STX8: variants seen among roughly 807,000 people sequenced by gnomAD.
STX8 encodes the protein syntaxin-8.
In STX8, 23 loss-of-function variants were observed where a neutral mutation model predicts 37.5. That is an observed-to-expected ratio of 0.61 (90% confidence interval 0.44 to 0.87). STX8 has a LOEUF of 0.87. Ranked by LOEUF, STX8 falls within the 40% of genes least tolerant of loss-of-function variation. The pLI is 0.00. For missense variants in STX8, 313 were observed against 284.7 expected, an observed-to-expected ratio of 1.10 and a Z score of -0.71; for synonymous variants, 115 against 99.1, an observed-to-expected ratio of 1.16 and a Z score of -0.95.
chr17:9,478,870 C>A (rs942045886), intron 6 of STX8, among the ~76,000 whole-genome samples: 2 of 152,214 alleles, frequency 1.3e-5, no homozygotes, highest in South Asian at 4.1e-4. Flanking sequence ...CAGCTCCCTT[C>A]GGCCCATTCC....
intron 7 of STX8, among the ~76,000 whole-genome samples, chr17:9,304,520 A>G (rs909010950): frequency 2.6e-5 from 4 of 151,188 alleles, no homozygotes; most frequent in African/African-American, 9.7e-5. Flanking sequence ...AAAAAAAAAA[A>G]AAAAAAAAAG....
chr17:9,529,252 AGAG>A (rs1905709460), intron 4 of STX8, among the ~76,000 whole-genome samples: 2 of 688 alleles, frequency 2.9e-3, no homozygotes, highest in African/African-American at 4.0e-3. Flanking sequence ...GCTCTTAGAG[AGAG>A]AGAGAGAGAG....
intron 6 of STX8, among the ~76,000 whole-genome samples, chr17:9,424,358 G>T (rs1913549439): frequency 6.6e-6 from 1 of 151,906 alleles, no homozygotes; most frequent in Non-Finnish European, 1.5e-5. Flanking sequence ...TTCTCAACCA[G>T]TTTATCCTTC....
chr17:9,388,812 G>GAA (rs79059878), intron 6 of STX8, among the ~76,000 whole-genome samples: 1,307 of 108,002 alleles, frequency 0.012, 19 homozygotes, highest in African/African-American at 0.038. Flanking sequence ...TCAAAAAAAA[G>GAA]AAAAAAAAAA....
chr17:9,307,328 C>T (rs955292800), intron 7 of STX8, among the ~76,000 whole-genome samples: 2 of 152,132 alleles, frequency 1.3e-5, no homozygotes, highest in African/African-American at 4.8e-5. Flanking sequence ...CCAGTTTCTC[C>T]ACCTTTTCTA....
intron 6 of STX8, among the ~76,000 whole-genome samples, chr17:9,440,519 T>G (rs1428059117): frequency 9.3e-6 from 1 of 107,954 alleles, no homozygotes; most frequent in African/African-American, 3.6e-5. Context: ...TCATAGTGAA[T>G]CAATGATTTT....
At chr17:9,536,981 C>T (rs992291257) in intron 4 of STX8, among the ~76,000 whole-genome samples, 4 of 152,126 alleles carry the variant, frequency 2.6e-5, no homozygotes, top group Non-Finnish European at 5.9e-5. Context: ...CCCCTGACCT[C>T]GTGATCCACC....
intron 6 of STX8, among the ~76,000 whole-genome samples, chr17:9,488,449 G>A (rs565469920): frequency 6.6e-6 from 1 of 152,270 alleles, no homozygotes; most frequent in African/African-American, 2.4e-5. Flanking sequence ...CTTGTAGATG[G>A]AATATGGGTT....
At chr17:9,571,131 A>C (rs939335139) in intron 1 of STX8, among the ~76,000 whole-genome samples, 10 of 152,216 alleles carry the variant, frequency 6.6e-5, no homozygotes, top group Non-Finnish European at 4.4e-5. Context: ...TTTTACACAC[A>C]GAGAGTGGCC....
At chr17:9,270,512 C>T (rs568930189) in intron 7 of STX8, among the ~76,000 whole-genome samples, 23 of 152,078 alleles carry the variant, frequency 1.5e-4, no homozygotes, top group Non-Finnish European at 2.5e-4. Context: ...CCTCGGCCTC[C>T]CAAAGTGCTG....
At chr17:9,362,840 A>AAAAAT (rs1555601151) in intron 7 of STX8, among the ~76,000 whole-genome samples, 1 of 115,528 alleles carries the variant, frequency 8.7e-6, no homozygotes, top group African/African-American at 3.0e-5. Flanking sequence ...AAAAAAAAAA[A>AAAAAT]AAATAAATAA....
At chr17:9,472,039 A>G (rs1371096999) in intron 6 of STX8, among the ~76,000 whole-genome samples, 1 of 151,806 alleles carries the variant, frequency 6.6e-6, no homozygotes. Context: ...CATAATATTA[A>G]ATCCTAAAAA....
At chr17:9,391,028 A>C (rs1912200323) in intron 6 of STX8, among the ~76,000 whole-genome samples, 1 of 152,138 alleles carries the variant, frequency 6.6e-6, no homozygotes, top group Non-Finnish European at 1.5e-5. Context: ...TATCAAAGTT[A>C]AGTTTCTTGG....
rs1262598146 is a variant in STX8, at chr17:9,400,087, TATTTA to T, written c.542-21439_542-21435del. On this transcript the variant is annotated intron_variant, in intron 6 of 7. Transcript: ENST00000306357. ...TGCATAGGCAGTGGAATTATTTATT[TATTTA>T]ATTTGTTGTTATTATTTTTTTTTTT... 2.0e-5 allele frequency among the ~76,000 whole-genome samples: 3 copies of T among 148,844 alleles called. No individual in the cohort carries two copies. The East Asian group carries it at 6.0e-4, about 30-fold the overall frequency.
chr17:9,279,414 G>T (rs1443272739), intron 7 of STX8, among the ~76,000 whole-genome samples: 1 of 152,038 alleles, frequency 6.6e-6, no homozygotes, highest in African/African-American at 2.4e-5. Flanking sequence ...TGAACCTGAC[G>T]CTCAGAAGCA....
At chr17:9,255,536 A>AAATG (rs1413048200) in intron 7 of STX8, among the ~76,000 whole-genome samples, 1 of 70,566 alleles carries the variant, frequency 1.4e-5, no homozygotes, top group East Asian at 2.3e-4. Flanking sequence ...CAAAATAAAT[A>AAATG]AATAAATAAA....
chr17:9,344,955 G>A (rs1393408984), intron 7 of STX8, among the ~76,000 whole-genome samples: 1 of 152,160 alleles, frequency 6.6e-6, no homozygotes. Flanking sequence ...AACCTGGTCA[G>A]TGTTTTAAAA....
intron 7 of STX8, among the ~76,000 whole-genome samples, chr17:9,362,840 A>AAAT (rs1555601154): frequency 6.9e-5 from 8 of 115,526 alleles, no homozygotes; most frequent in Middle Eastern, 4.2e-3. Flanking sequence ...AAAAAAAAAA[A>AAAT]AAATAAATAA....
chr17:9,497,824 T>C (rs746202175), intron 5 of STX8, among the ~76,000 whole-genome samples: 1 of 152,204 alleles, frequency 6.6e-6, no homozygotes, highest in Non-Finnish European at 1.5e-5. Flanking sequence ...AGCACCAACA[T>C]ATTTAAATCA....
Sources: gnomAD v4.1 joint callset for allele counts (sites outside exome capture counted in the v4.1 genomes callset) on GRCh38, gnomAD v4.1.1 for gene constraint, MANE v1.5 for transcripts, NCBI Gene and HGNC (gene_info 2026-07-23, HGNC 2026-07-21) for gene names.